The following GPC5 variants were observed in gnomAD, a reference collection of about 807,000 sequenced individuals.
The protein encoded by GPC5 is glypican-5.
In GPC5, 47 loss-of-function variants were observed where a neutral mutation model predicts 53.9. The ratio of observed to expected loss-of-function variants is 0.87; its 90% CI spans 0.69 to 1.11. The LOEUF (loss-of-function observed/expected upper bound fraction) is 1.11. Among genes scored for constraint, GPC5 ranks in the 50% most tolerant of loss-of-function variants. The pLI is 0.00. For synonymous variants in GPC5, 286 were observed against 263.3 expected (o/e 1.09, Z -0.84); for missense variants, 748 against 713.1 (o/e 1.05, Z -0.56).
At chr13:92,112,863 A>G (rs1413778735) in intron 6 of GPC5, among the ~76,000 whole-genome samples, 1 of 152,134 alleles carries the variant, frequency 6.6e-6, no homozygotes, top group Non-Finnish European at 1.5e-5. Context: ...CTGATAGCTA[A>G]GGAGAAAGGA....
intron 6 of GPC5, among the ~76,000 whole-genome samples, chr13:92,017,337 G>C (rs1045514759): frequency 1.3e-5 from 2 of 152,072 alleles, no homozygotes; most frequent in African/African-American, 4.8e-5. Context: ...GAGAGAGCTG[G>C]CTCTTTTTTT....
chr13:92,535,190 G>C (rs367780692), intron 7 of GPC5, among the ~76,000 whole-genome samples: 1 of 152,218 alleles, frequency 6.6e-6, no homozygotes, highest in African/African-American at 2.4e-5. Flanking sequence ...TGGTGCTGTG[G>C]CCTCTCCCTT....
intron 1 of GPC5, among the ~76,000 whole-genome samples, chr13:91,404,944 A>T (rs1454758584): frequency 1.3e-5 from 2 of 152,218 alleles, no homozygotes; most frequent in African/African-American, 4.8e-5. Context: ...TGGCTTTTCC[A>T]ATTATGAATG....
At chr13:91,503,224 G>A (rs1331353670) in intron 2 of GPC5, among the ~76,000 whole-genome samples, 1 of 152,110 alleles carries the variant, frequency 6.6e-6, no homozygotes, top group Non-Finnish European at 1.5e-5. Context: ...GAATGGTAGA[G>A]CTTTTCAGAA....
intron 7 of GPC5, among the ~76,000 whole-genome samples, chr13:92,157,128 G>C (rs1199736219): frequency 6.6e-6 from 1 of 152,034 alleles, no homozygotes; most frequent in Non-Finnish European, 1.5e-5. Flanking sequence ...ACTATTTTTG[G>C]ATTTGTACCA....
chr13:92,679,470 A>C (rs1429121380), intron 7 of GPC5, among the ~76,000 whole-genome samples: 4 of 152,216 alleles, frequency 2.6e-5, no homozygotes, highest in Admixed American at 2.0e-4. Context: ...TGAGGTGATG[A>C]TACTATTATA....
chr13:92,654,634 C>G (rs1041626425), intron 7 of GPC5, among the ~76,000 whole-genome samples: 1 of 151,956 alleles, frequency 6.6e-6, no homozygotes, highest in African/African-American at 2.4e-5. Flanking sequence ...TGGATTTTGT[C>G]ACTTTTTTGT....
At chr13:92,464,965 A>T (rs1878634483) in intron 7 of GPC5, among the ~76,000 whole-genome samples, 1 of 151,744 alleles carries the variant, frequency 6.6e-6, no homozygotes. Flanking sequence ...ACTAAACATA[A>T]TGAAAGAAGA....
intron 2 of GPC5, among the ~76,000 whole-genome samples, chr13:91,523,088 A>G (rs1219694073): frequency 6.6e-6 from 1 of 152,250 alleles, no homozygotes; most frequent in Non-Finnish European, 1.5e-5. Context: ...AAGACAAAAG[A>G]TAACAAGTGT....
intron 1 of GPC5, among the ~76,000 whole-genome samples, chr13:91,419,648 G>A (rs911897391): frequency 3.3e-5 from 5 of 152,140 alleles, no homozygotes; most frequent in South Asian, 2.1e-4. Context: ...TGTGGTTATC[G>A]TGGCCAGGAA....
chr13:92,652,869 C>G (rs1249325539), intron 7 of GPC5, among the ~76,000 whole-genome samples: 1 of 152,100 alleles, frequency 6.6e-6, no homozygotes, highest in Non-Finnish European at 1.5e-5. Flanking sequence ...GCCCTCACAA[C>G]CCTTCAAATC....
At chr13:91,590,762 C>A (rs1309365133) in intron 2 of GPC5, among the ~76,000 whole-genome samples, 1 of 152,028 alleles carries the variant, frequency 6.6e-6, no homozygotes, top group Non-Finnish European at 1.5e-5. Context: ...TTACTCATTC[C>A]CTCTTTTTCT....
chr13:91,675,627 T>C (rs2035364260), intron 2 of GPC5, among the ~76,000 whole-genome samples: 1 of 152,226 alleles, frequency 6.6e-6, no homozygotes, highest in African/African-American at 2.4e-5. Context: ...AAATAGTAGA[T>C]TGTACAACCA....
intron 5 of GPC5, among the ~76,000 whole-genome samples, chr13:91,815,736 T>G (rs2138817280): frequency 6.6e-6 from 1 of 152,336 alleles, no homozygotes; most frequent in South Asian, 2.1e-4. Flanking sequence ...TCTGTCTAGA[T>G]CTGTGTTTTT....
rs1885040683 is a variant in GPC5, at chr13:91,508,065, C to G, written c.325+59143C>G. On this transcript the variant is annotated intron_variant, in intron 2 of 7. Transcript: ENST00000377067. ...AAAATATATGATAAAGGATAAGTGA[C>G]CTTTCTTCTTATTTTTAGATTTTTG... Among the ~76,000 whole-genome samples the G allele has an allele frequency of 1.3e-5, 2 of 151,988 alleles. 1 individual carries two copies.
chr13:91,478,953 A>G (rs1353054040), intron 2 of GPC5, among the ~76,000 whole-genome samples: 1 of 141,826 alleles, frequency 7.1e-6, no homozygotes, highest in Admixed American at 7.3e-5. Flanking sequence ...TTGTTCTGTT[A>G]CCCACGTTGG....
chr13:92,829,255 T>C (rs1386424361), intron 7 of GPC5, among the ~76,000 whole-genome samples: 1 of 152,182 alleles, frequency 6.6e-6, no homozygotes, highest in Admixed American at 6.5e-5. Context: ...TTACTTAAGA[T>C]ATCTGATGTG....
intron 7 of GPC5, among the ~76,000 whole-genome samples, chr13:92,567,528 G>C (rs183325710): frequency 6.6e-6 from 1 of 152,206 alleles, no homozygotes; most frequent in African/African-American, 2.4e-5. Flanking sequence ...GTTAGAATGG[G>C]AGATTATCCT....
At chr13:91,520,987 C>A (rs1395739572) in intron 2 of GPC5, among the ~76,000 whole-genome samples, 1 of 151,860 alleles carries the variant, frequency 6.6e-6, no homozygotes, top group African/African-American at 2.4e-5. Context: ...ATTTTAAATT[C>A]TCATAGTTAC....
Sources: allele counts gnomAD v4.1 joint callset (sites outside exome capture counted in the v4.1 genomes callset), GRCh38; gene constraint gnomAD v4.1.1; transcripts MANE v1.5; gene names NCBI Gene and HGNC (gene_info 2026-07-23, HGNC 2026-07-21).